The following PTPRN2 variants were observed in gnomAD, a reference collection of about 807,000 sequenced individuals.
The protein encoded by PTPRN2 is receptor-type tyrosine-protein phosphatase N2.
Under a neutral mutation model 118.8 loss-of-function variants are expected in PTPRN2, and 74 were observed. The observed-to-expected ratio is 0.62, with a 90% confidence interval of 0.52 to 0.76. PTPRN2 has a LOEUF of 0.76. PTPRN2 is among the 30% of genes least tolerant of loss of function. PTPRN2 has a pLI of 0.00. For missense variants in PTPRN2, 1,481 were observed against 1,394.4 expected (o/e 1.06, Z -0.99); for synonymous variants, 641 against 608.0 (o/e 1.05, Z -0.80).
chr7:157,708,322 G>A (rs985526189), intron 12 of PTPRN2, among the ~76,000 whole-genome samples: 2 of 152,172 alleles, frequency 1.3e-5, no homozygotes, highest in African/African-American at 4.8e-5. Flanking sequence ...GCCACCCTGT[G>A]TCCCCTTACG....
At chr7:158,233,686 A>C (rs2150830453) in intron 3 of PTPRN2, among the ~76,000 whole-genome samples, 1 of 152,338 alleles carries the variant, frequency 6.6e-6, no homozygotes, top group East Asian at 1.9e-4. Context: ...AAAAATAACA[A>C]ACATGGAGGT....
At chr7:157,693,624 C>A (rs961514268) in intron 12 of PTPRN2, among the ~76,000 whole-genome samples, 1 of 152,048 alleles carries the variant, frequency 6.6e-6, no homozygotes, top group Non-Finnish European at 1.5e-5. Context: ...GAGCGCCCGG[C>A]GCACCTGAGG....
chr7:157,800,749 G>A (rs1361420004), intron 12 of PTPRN2, among the ~76,000 whole-genome samples: 4 of 152,024 alleles, frequency 2.6e-5, no homozygotes, highest in East Asian at 1.9e-4. Flanking sequence ...TCAGGAGATC[G>A]AGACCATCCT....
intron 2 of PTPRN2, among the ~76,000 whole-genome samples, chr7:158,385,882 T>C (rs1227113911): frequency 6.6e-6 from 1 of 151,572 alleles, no homozygotes; most frequent in African/African-American, 2.4e-5. Flanking sequence ...CCTCCTCCCA[T>C]GCCCCGAGTC....
intron 21 of PTPRN2, among the ~76,000 whole-genome samples, chr7:157,552,878 CAGGGTCCAGTG>C (rs917069259): frequency 3.3e-5 from 5 of 152,176 alleles, no homozygotes; most frequent in African/African-American, 7.2e-5. Flanking sequence ...CTCCCGTTTC[CAGGGTCCAGTG>C]AGGGTCCAGT....
At chr7:158,431,197 C>T (rs771936456) in intron 2 of PTPRN2, among the ~76,000 whole-genome samples, 13 of 152,196 alleles carry the variant, frequency 8.5e-5, no homozygotes, top group Non-Finnish European at 1.3e-4. Flanking sequence ...TCACAGCGGG[C>T]TCACACTGGG....
rs1816762365 is a variant in PTPRN2 at position 158,438,703 on chromosome 7, A to C, written c.163+51032T>G. On this transcript the variant is annotated intron_variant, in intron 2 of 22. Coordinates refer to ENST00000389418, the MANE Select transcript of PTPRN2 (RefSeq NM_002847.5). This position sits in a 1 kb window ranked among gnomAD's most constrained non-coding sequence, Gnocchi z 4.7. Reference sequence around the variant, plus strand: ...CTGTGTGAAAATACACTTTAGGCTGATGCCCAGCTGATTAGCATATAGGGT... The same window carrying C: ...CTGTGTGAAAATACACTTTAGGCTGCTGCCCAGCTGATTAGCATATAGGGT... 6.6e-6 allele frequency among the ~76,000 whole-genome samples: 1 copy of C among 152,206 alleles called. No homozygotes were observed. Among genetic ancestry groups the C allele is most frequent in the Non-Finnish European group, 1.5e-5 (1 of 68,032 alleles).
Position 158,319,509 on chromosome 7 carries a change from CCACA to C in PTPRN2, c.164-2581_164-2578del, listed in dbSNP as rs1247440926. On this transcript the variant is annotated intron_variant, in intron 2 of 22. Coordinates refer to ENST00000389418, the MANE Select transcript of PTPRN2 (RefSeq NM_002847.5). The stretch of plus-strand genomic sequence containing the variant: ...TCCCTCACACTCACACAGCCTCCCC[CCACA>C]CACACAGCCTCCCTCACACACACAG... 4.8e-3 allele frequency among the ~76,000 whole-genome samples: 177 copies of C among 37,084 alleles called. 10 individuals are homozygous for C. The highest frequency in any genetic ancestry group is 0.021 in the African/African-American group (164 of 7,686). The allele number at this position is 37,084 out of a possible 152,430, so 24.3% of individuals were successfully genotyped here.
At chr7:158,277,742 C>T (rs530857765) in intron 3 of PTPRN2, among the ~76,000 whole-genome samples, 2 of 152,166 alleles carry the variant, frequency 1.3e-5, no homozygotes, top group South Asian at 4.1e-4. Context: ...ACTCCCTTGC[C>T]CGGCCGGGGT....
At chr7:157,769,419 A>G (rs1454885168) in intron 12 of PTPRN2, among the ~76,000 whole-genome samples, 1 of 152,184 alleles carries the variant, frequency 6.6e-6, no homozygotes, top group Non-Finnish European at 1.5e-5. Context: ...CAGTTAAGGA[A>G]GGTGTATTGA....
At chr7:158,071,829 CCGTGGTGGAGGTGCT>C (rs1811869915) in intron 11 of PTPRN2, among the ~76,000 whole-genome samples, 1 of 43,358 alleles carries the variant, frequency 2.3e-5, no homozygotes, top group African/African-American at 1.2e-4. Flanking sequence ...ATGGAGGTGC[CCGTGGTGGAGGTGCT>C]CGTGGTGGTG....
At position 158,258,888 on chromosome 7, in the gene PTPRN2, C is replaced by A. The variant is rs570526066; in HGVS notation, c.278-53615G>T. Among the ~76,000 whole-genome samples, 398 of 152,320 alleles carry A rather than the reference C, an allele frequency of 2.6e-3. 1 individual carries two copies. Among genetic ancestry groups the A allele is most frequent in the Non-Finnish European group, 4.8e-3 (325 of 68,034 alleles). On this transcript the variant is annotated intron_variant, in intron 3 of 22. Coordinates refer to ENST00000389418, the MANE Select transcript of PTPRN2 (RefSeq NM_002847.5). ...ACGCGAGGTCTGTCCACGAGGCCTG[C>A]ACTGCGTGGTCGTGCTGGGTAGACA...
chr7:158,129,820 A>T (rs1818025872), intron 9 of PTPRN2, among the ~76,000 whole-genome samples: 2 of 152,156 alleles, frequency 1.3e-5, no homozygotes, highest in Non-Finnish European at 2.9e-5. Context: ...ACTGGGCTTG[A>T]GAGCAAAGAA....
intron 14 of PTPRN2, among the ~76,000 whole-genome samples, chr7:157,635,011 C>T (rs1281282772): frequency 6.6e-6 from 1 of 152,316 alleles, no homozygotes; most frequent in African/African-American, 2.4e-5. Context: ...CCAGAACACA[C>T]GTGAAGGACG....
chr7:158,523,531 G>GTCA (rs1473893760), intron 1 of PTPRN2, among the ~76,000 whole-genome samples: 128 of 68,140 alleles, frequency 1.9e-3, no homozygotes, highest in East Asian at 6.2e-3. Context: ...CTGGAGCAGA[G>GTCA]TCTGCCCTGG....
At chr7:158,179,430 AT>A (rs1298024263) in intron 5 of PTPRN2, among the ~76,000 whole-genome samples, 4 of 151,938 alleles carry the variant, frequency 2.6e-5, no homozygotes, top group Non-Finnish European at 4.4e-5. Flanking sequence ...GTTTGCAAAT[AT>A]TTTCTCCCAT....
chr7:157,576,657 G>A lies in PTPRN2; in HGVS notation c.2739C>T (p.Asp913=). Residue 913 remains aspartate, a synonymous_variant, in exon 19 of 23, where the codon GAC becomes GAT. Coordinates refer to ENST00000389418, the MANE Select transcript of PTPRN2 (RefSeq NM_002847.5). The part of the protein sequence containing the change: ...VTQFHFLSWY[D]RGVPSSSRSL... The stretch of plus-strand genomic sequence containing the variant: ...ACCTTGAGGAGGAAGGGACTCCTCG[G>A]TCATACCAACTCAGGAAGTGGAACT... 2.5e-6 allele frequency: 4 copies of A among 1,612,820 alleles called. No homozygotes were observed. The highest frequency in any genetic ancestry group is 3.4e-6 in the Non-Finnish European group (4 of 1,179,462).
chr7:158,224,072 G>A (rs56211164), intron 3 of PTPRN2, among the ~76,000 whole-genome samples: 37,158 of 152,098 alleles, frequency 0.24, 4,858 homozygotes, highest in African/African-American at 0.33. Flanking sequence ...CAGGACCTAT[G>A]TGCTGAAACA....
At chr7:158,333,521 A>C (rs1804926302) in intron 2 of PTPRN2, among the ~76,000 whole-genome samples, 2 of 148,386 alleles carry the variant, frequency 1.3e-5, no homozygotes, top group South Asian at 2.1e-4. Context: ...CTCTCACCAT[A>C]AGACCTGACA....
Sources: gnomAD v4.1 joint callset for allele counts (sites outside exome capture counted in the v4.1 genomes callset) on GRCh38, gnomAD v4.1.1 for gene constraint, Gnocchi (gnomAD v3.1) non-coding constraint, MANE v1.5 for transcripts, NCBI Gene and HGNC (gene_info 2026-07-23, HGNC 2026-07-21) for gene names.